Variants in DISP2 observed in about 807,000 individuals in gnomAD.
DISP2 encodes dispatched RND transporter family member 2, also known as protein dispatched homolog 2.
In DISP2, 59 loss-of-function variants were observed where a neutral mutation model predicts 95.5. That is an observed-to-expected ratio of 0.62 (90% CI 0.50 to 0.77). DISP2 has a LOEUF of 0.77. Ranked by LOEUF, DISP2 falls within the 30% of genes least tolerant of loss-of-function variation. DISP2 has a pLI of 0.00. For synonymous variants in DISP2, 827 were observed against 815.0 expected, an observed-to-expected ratio of 1.01 and a Z score of -0.25; for missense variants, 1,752 against 1,854.6, an observed-to-expected ratio of 0.94 and a Z score of 1.02.
intron 1 of DISP2, among the ~76,000 whole-genome samples, chr15:40,360,910 G>C (rs1889396021): frequency 6.6e-6 from 1 of 152,164 alleles, no homozygotes; most frequent in East Asian, 1.9e-4. Context: ...AGGCCTCTAG[G>C]AGCAAGGACA....
intron 6 of DISP2, 92 bp from the exon 7 acceptor site, chr15:40,365,536 C>A: frequency 6.9e-7 from 1 of 1,447,164 alleles, no homozygotes; most frequent in Non-Finnish European, 9.7e-7. Flanking sequence ...AGAATCTGAA[C>A]CTCATGTGGC....
At chr15:40,363,596 C>A (rs745667583) in intron 1 of DISP2, 29 bp from the exon 2 acceptor site, 11 of 1,486,528 alleles carry the variant, frequency 7.4e-6, no homozygotes, top group Non-Finnish European at 9.9e-6. Context: ...ATCCCCCACC[C>A]CAATCTTCCT....
In DISP2 at chr15:40,369,490, C is replaced by T. The variant is rs1372465829; in HGVS notation, c.3378C>T (p.Pro1126=). ...AGAACTGTGGGCAGATCCTCTGGCCCTGTGCCCACCTGCCATGGGATGCTG... is the reference window on the plus strand; with the variant it reads ...AGAACTGTGGGCAGATCCTCTGGCCTTGTGCCCACCTGCCATGGGATGCTG... ...PEKNCGQILW[P]CAHLPWDAGT... The change falls in exon 8 of 8, where the codon CCC becomes CCT. Residue 1126 remains proline, a synonymous_variant. Transcript: ENST00000267889. 5 of 1,613,196 alleles carry T rather than the reference C, an allele frequency of 3.1e-6. No individual in the cohort carries two copies. Among genetic ancestry groups the T allele is most frequent in the East Asian group, 2.2e-5 (1 of 44,890 alleles).
intron 1 of DISP2, among the ~76,000 whole-genome samples, chr15:40,362,405 C>T (rs562249161): frequency 2.2e-4 from 33 of 152,312 alleles, no homozygotes; most frequent in African/African-American, 7.2e-4. Context: ...AGGCAAGGAC[C>T]GGGTCTTCTT....
rs1275463817 is a variant in DISP2 at position 40,372,573 on chromosome 15, A to T, written c.*2255A>T. ...AAGGGGAAGCTGGAACCTAATTTGA[A>T]CCTGTCCCCAGGGGGTCTGCTGGGA... On this transcript the variant is annotated 3_prime_UTR_variant, in exon 8 of 8. Coordinates refer to ENST00000267889, the MANE Select transcript of DISP2 (RefSeq NM_033510.3). 6 of 152,052 alleles carry T rather than the reference A, an allele frequency of 3.9e-5. No homozygotes were observed. Among genetic ancestry groups the T allele is most frequent in the Non-Finnish European group, 1.5e-5 (1 of 67,998 alleles). The allele number at this position is 152,052 out of a possible 1,614,324, so 9.4% of individuals were successfully genotyped here. A position where few individuals can be genotyped will look rare whatever the true frequency, so the allele number is the denominator to read the frequency against.
rs569952343 is a variant in DISP2, at chr15:40,358,747, A to G, written c.119+307A>G. ...CCTGGCTCCTCCGGCCCCTCCTTCT[A>G]GGCCCTGCCCCTGCGTCTTCTCCGG... On this transcript the variant is annotated intron_variant, in intron 1 of 7. Transcript: ENST00000267889. Among the ~76,000 whole-genome samples the G allele has an allele frequency of 2.0e-5, 3 of 151,862 alleles. No homozygotes were observed. The South Asian group carries it at 6.2e-4, about 32-fold the overall frequency.
At chr15:40,359,752 AG>A (rs1889378195) in intron 1 of DISP2, among the ~76,000 whole-genome samples, 1 of 152,224 alleles carries the variant, frequency 6.6e-6, no homozygotes, top group African/African-American at 2.4e-5. Context: ...AATTGGGCAT[AG>A]GGACTTGCTT....
chr15:40,369,555 G>C lies in DISP2; in HGVS notation c.3443G>C (p.Arg1148Pro). The C allele has an allele frequency of 6.2e-7, 1 of 1,612,430 alleles. No homozygotes were observed. Among genetic ancestry groups the C allele is most frequent in the Non-Finnish European group, 8.5e-7 (1 of 1,179,998 alleles). Residue 1148 changes from arginine (R) to proline (P), a missense_variant, in exon 8 of 8, where the codon CGA becomes CCA. Around this residue, in one of 5 missense-constraint regions of DISP2, gnomAD observed 347 missense variants for 344.2 expected, o/e 1.01. Coordinates refer to ENST00000267889, the MANE Select transcript of DISP2 (RefSeq NM_033510.3). Reference protein sequence around the residue: ...DPGGEKAGRPRPGSVGGMPGS... With the variant: ...DPGGEKAGRPPPGSVGGMPGS... ...GGTGGGGAGAAGGCAGGCCGCCCACGACCAGGGTCAGTGGGAGGGATGCCC... is the reference window on the plus strand; with the variant it reads ...GGTGGGGAGAAGGCAGGCCGCCCACCACCAGGGTCAGTGGGAGGGATGCCC...
In DISP2 at chr15:40,367,456, C is replaced by T; in HGVS notation, c.1344C>T (p.Leu448=). 9 of 1,613,776 alleles carry T rather than the reference C, an allele frequency of 5.6e-6. No homozygotes were observed. The highest frequency in any genetic ancestry group is 7.6e-6 in the Non-Finnish European group (9 of 1,179,982). The change falls in exon 8 of 8, where the codon CTC becomes CTT. Residue 448 remains leucine (L), a synonymous_variant. Transcript: ENST00000267889. The part of the protein sequence containing the change: ...LFLPTPKGAS[L]MDIYLDRLAT... ...TGCCCACCCCAAAGGGTGCTTCCCT[C>T]ATGGACATCTACCTGGACCGGCTGG...
At position 40,369,992 on chromosome 15, in the gene DISP2, G is replaced by A. The variant is rs377610851; in HGVS notation, c.3880G>A (p.Val1294Ile). 3.0e-4 allele frequency: 492 copies of A among 1,613,720 alleles called. No homozygotes were observed. Among genetic ancestry groups the A allele is most frequent in the Non-Finnish European group, 3.9e-4 (463 of 1,179,982 alleles). Residue 1294 changes from valine (V) to isoleucine (I), a missense_variant, in exon 8 of 8, where the codon GTC (valine) becomes ATC (isoleucine). Physicochemically the swap from Val to Ile is conservative, Grantham distance 29. Coordinates refer to ENST00000267889, the MANE Select transcript of DISP2 (RefSeq NM_033510.3). Reference sequence around the variant, plus strand: ...AGCCAGCACCCTGGAGGGGCTCAGCGTCTCTGATGAGACCTGCCTAAGCAC... The same window carrying A: ...AGCCAGCACCCTGGAGGGGCTCAGCATCTCTGATGAGACCTGCCTAAGCAC... ...SSASTLEGLS[V>I]SDETCLSTSE...
In DISP2 at chr15:40,363,765, C is replaced by G; in HGVS notation, c.260C>G (p.Pro87Arg). Residue 87 changes from proline to arginine, a missense_variant, in exon 2 of 8, where the codon CCC becomes CGC. Around this residue, in one of 5 missense-constraint regions of DISP2, gnomAD observed 342 missense variants for 364.3 expected, o/e 0.94. Transcript: ENST00000267889. ...STLQPVGPSS[P>R]LAPAHFTYPR... Reference sequence around the variant, plus strand: ...CTCCAGCCTGTGGGTCCATCCAGCCCCTTGGCCCCTGCCCACTTCACCTAT... The same window carrying G: ...CTCCAGCCTGTGGGTCCATCCAGCCGCTTGGCCCCTGCCCACTTCACCTAT... 1 of 1,613,860 alleles carries G rather than the reference C, an allele frequency of 6.2e-7. No homozygotes were observed. The highest frequency in any genetic ancestry group is 8.5e-7 in the Non-Finnish European group (1 of 1,179,860).
Position 40,370,786 on chromosome 15 carries a change from C to T in DISP2, c.*468C>T. ...TCCTGGGTCTCACCCCTTTCATGGGCTCTTCATCAGGACACTTCCCTCTCT... is the reference window on the plus strand; with the variant it reads ...TCCTGGGTCTCACCCCTTTCATGGGTTCTTCATCAGGACACTTCCCTCTCT... On this transcript the variant is annotated 3_prime_UTR_variant, in exon 8 of 8. Transcript: ENST00000267889. 2.6e-6 allele frequency: 1 copy of T among 386,252 alleles called. No individual in the cohort carries two copies. The highest frequency in any genetic ancestry group is 1.9e-5 in the South Asian group (1 of 54,028). The allele number at this position is 386,252 out of a possible 1,614,324, so 23.9% of individuals were successfully genotyped here.
Position 40,369,740 on chromosome 15 carries a change from G to C in DISP2, c.3628G>C (p.Ala1210Pro). Residue 1210 changes from alanine (A) to proline (P), a missense_variant, in exon 8 of 8, where the codon GCC (alanine) becomes CCC (proline). Coordinates refer to ENST00000267889, the MANE Select transcript of DISP2 (RefSeq NM_033510.3). ...TCCGTGCTGTTCCCGGCCCCCACCAGCCCCTGCCTCCCCAAGGGAGCTGCT... is the reference window on the plus strand; with the variant it reads ...TCCGTGCTGTTCCCGGCCCCCACCACCCCCTGCCTCCCCAAGGGAGCTGCT... ...DGPCCSRPPP[A>P]PASPRELLLD... 1 of 1,609,424 alleles carries C rather than the reference G, an allele frequency of 6.2e-7. No individual in the cohort carries two copies. The highest frequency in any genetic ancestry group is 1.1e-5 in the South Asian group (1 of 91,070).
At position 40,368,571 on chromosome 15, in the gene DISP2, G is replaced by A; in HGVS notation, c.2459G>A (p.Arg820Gln). 3 of 1,604,414 alleles carry A rather than the reference G, an allele frequency of 1.9e-6. No homozygotes were observed. The highest frequency in any genetic ancestry group is 1.6e-4 in the Middle Eastern group (1 of 6,062). The change falls in exon 8 of 8, where the codon CGG becomes CAG. Residue 820 changes from arginine (R) to glutamine (Q), a missense_variant. Physicochemically the swap from Arg to Gln is conservative, Grantham distance 43. Around this residue, in one of 5 missense-constraint regions of DISP2, gnomAD observed 732 missense variants for 714.6 expected, o/e 1.02. Transcript: ENST00000267889. ...CTGCTGGCACTCTGTCACCGGGCCC[G>A]GAATCAGAGCTTCTTCGACACCCTG... Reference protein sequence around the residue: ...RWLLALCHRARNQSFFDTLQE... With the variant: ...RWLLALCHRAQNQSFFDTLQE...
chr15:40,361,906 A>C (rs1889411885), intron 1 of DISP2, among the ~76,000 whole-genome samples: 1 of 152,210 alleles, frequency 6.6e-6, no homozygotes, highest in South Asian at 2.1e-4. Flanking sequence ...GGGGAGAAGA[A>C]GACAGGGCTC....
chr15:40,377,874 T>A lies in DISP2; in HGVS notation c.*7556T>A, dbSNP rs983654816. Reference sequence around the variant, plus strand: ...GCCAGATTGGAAAACCTCAAATTTATGGAGCATTGGTCAGAGGTCTCAGAA... The same window carrying A: ...GCCAGATTGGAAAACCTCAAATTTAAGGAGCATTGGTCAGAGGTCTCAGAA... On this transcript the variant is annotated 3_prime_UTR_variant, in exon 8 of 8. Coordinates refer to ENST00000267889, the MANE Select transcript of DISP2 (RefSeq NM_033510.3). The A allele has an allele frequency of 6.6e-6, 1 of 152,430 alleles. No individual in the cohort carries two copies. The highest frequency in any genetic ancestry group is 2.4e-5 in the African/African-American group (1 of 41,432). 9.4% of individuals were successfully genotyped at this position (152,430 alleles called of 1,614,324 possible). A position where few individuals can be genotyped will look rare whatever the true frequency, so the allele number is the denominator to read the frequency against.
Position 40,367,045 on chromosome 15 carries a change from G to A in DISP2, c.946-13G>A, listed in dbSNP as rs776391352. The A allele has an allele frequency of 1.1e-4, 175 of 1,605,314 alleles. No individual in the cohort carries two copies. Among genetic ancestry groups the A allele is most frequent in the Non-Finnish European group, 1.3e-4 (152 of 1,179,596 alleles). On this transcript the variant is annotated splice_polypyrimidine_tract_variant and intron_variant, in intron 7 of 7. Coordinates refer to ENST00000267889, the MANE Select transcript of DISP2 (RefSeq NM_033510.3). ...CTGCCCCTGAACTCTCCCCTCCTGCGTGTGCCCTACAGATCCGCTCCCATA... is the reference window on the plus strand; with the variant it reads ...CTGCCCCTGAACTCTCCCCTCCTGCATGTGCCCTACAGATCCGCTCCCATA...
Position 40,367,203 on chromosome 15 carries a change from C to T in DISP2, c.1091C>T (p.Thr364Ile), listed in dbSNP as rs770960203. 1.2e-6 allele frequency: 2 copies of T among 1,614,070 alleles called. No homozygotes were observed. The highest frequency in any genetic ancestry group is 1.6e-4 in the Middle Eastern group (1 of 6,062). Reference protein sequence around the residue: ...LDTTQADAARTLALLRTCALY... With the variant: ...LDTTQADAARILALLRTCALY... ...ACTACCCAAGCTGACGCAGCCCGCA[C>T]ACTGGCCCTGCTTCGGACCTGTGCC... The change falls in exon 8 of 8, where the codon ACA (threonine) becomes ATA (isoleucine). Residue 364 changes from threonine (T) to isoleucine (I), a missense_variant. By Grantham distance (89) the Thr-to-Ile change is moderately conservative. Transcript: ENST00000267889.
Position 40,377,382 on chromosome 15 carries a change from GC to G in DISP2, c.*7065del, listed in dbSNP as rs1889745413. 6.6e-6 allele frequency: 1 copy of G among 151,832 alleles called. No homozygotes were observed. The highest frequency in any genetic ancestry group is 1.5e-5 in the Non-Finnish European group (1 of 68,012). 9.4% of individuals were successfully genotyped at this position (151,832 alleles called of 1,614,324 possible). On this transcript the variant is annotated 3_prime_UTR_variant, in exon 8 of 8. Transcript: ENST00000267889. ...TTCCCTTTCCAGCCAAGATGGAGGA[GC>G]AGGGGCCAAGTTTATCCTCCTGCCT...
Sources: allele counts gnomAD v4.1 joint callset (sites outside exome capture counted in the v4.1 genomes callset), GRCh38; gene constraint gnomAD v4.1.1; regional missense constraint gnomAD v4.1.1; transcripts MANE v1.5; gene names NCBI Gene and HGNC (gene_info 2026-07-23, HGNC 2026-07-21).